Variants in DDX4 observed in about 807,000 individuals in gnomAD.
DDX4 encodes probable ATP-dependent RNA helicase DDX4.
Under a neutral mutation model 100.0 loss-of-function variants are expected in DDX4, and 25 were observed. The ratio of observed to expected loss-of-function variants is 0.25; its 90% CI spans 0.18 to 0.35. The LOEUF (loss-of-function observed/expected upper bound fraction) is 0.35, where lower values mean the gene tolerates loss of function less well. DDX4 is among the 10% of genes least tolerant of loss of function. The pLI is 1.00. For missense variants in DDX4, 635 were observed against 882.4 expected (o/e 0.72, Z 3.55); for synonymous variants, 259 against 275.7 (o/e 0.94, Z 0.60).
In DDX4 at chr5:55,763,181, G is replaced by GTGA; in HGVS notation, c.213_215dup (p.Gly71_Glu72insAsp). 6.2e-7 allele frequency: 1 copy of GTGA among 1,608,906 alleles called. No homozygotes were observed. On this transcript the variant is annotated inframe_insertion, in exon 5 of 22. Coordinates refer to ENST00000505374, the MANE Select transcript of DDX4 (RefSeq NM_024415.3). ...ACTGTCCACCCTTTTTCAGATGCTGGTGAGTGTAATAAGCGAGATAATACA... is the reference window on the plus strand; with the variant it reads ...ACTGTCCACCCTTTTTCAGATGCTGGTGATGAGTGTAATAAGCGAGATAATACA...
At chr5:55,741,026 T>C (rs182966316) in intron 2 of DDX4, among the ~76,000 whole-genome samples, 316 of 152,356 alleles carry the variant, frequency 2.1e-3, no homozygotes, top group Admixed American at 4.5e-3. Flanking sequence ...TTTTCCTCCT[T>C]GTTCTCAATA....
chr5:55,775,780 T>C (rs747438444), intron 7 of DDX4, among the ~76,000 whole-genome samples: 6 of 152,196 alleles, frequency 3.9e-5, no homozygotes, highest in Non-Finnish European at 8.8e-5. Context: ...CTGTCCCTTA[T>C]GAAATGCAGA....
chr5:55,788,195 T>C (rs1442678125), intron 15 of DDX4, among the ~76,000 whole-genome samples, 195 bp downstream of exon 15: 1 of 152,168 alleles, frequency 6.6e-6, no homozygotes, highest in African/African-American at 2.4e-5. Context: ...GGTTAATAGG[T>C]TGGACTTGGT....
chr5:55,749,134 A>G lies in DDX4; in HGVS notation c.127+2913A>G, dbSNP rs547222142. On this transcript the variant is annotated intron_variant, in intron 3 of 21. Coordinates refer to ENST00000505374, the MANE Select transcript of DDX4 (RefSeq NM_024415.3). ...CACATTACTTGGCTTTAAAATGTCA[A>G]TAGGAGGCAGGTGTAGTGGCTTATG... 4.6e-5 allele frequency among the ~76,000 whole-genome samples: 7 copies of G among 152,316 alleles called. 1 individual carries two copies. The South Asian group carries it at 1.2e-3, about 27-fold the overall frequency.
At chr5:55,799,530 C>T (rs2112108781) in intron 18 of DDX4, among the ~76,000 whole-genome samples, 1 of 152,208 alleles carries the variant, frequency 6.6e-6, no homozygotes, top group African/African-American at 2.4e-5. Flanking sequence ...CGTGCACCAC[C>T]ATGCCCAACC....
intron 18 of DDX4, among the ~76,000 whole-genome samples, chr5:55,811,278 C>G (rs377479316): frequency 4.6e-5 from 7 of 152,164 alleles, no homozygotes; most frequent in African/African-American, 1.7e-4. Flanking sequence ...AATTCAGTTT[C>G]CAAGTTTTAT....
At chr5:55,814,238 T>C (rs1744265632) in intron 19 of DDX4, among the ~76,000 whole-genome samples, 1 of 152,210 alleles carries the variant, frequency 6.6e-6, no homozygotes, top group Non-Finnish European at 1.5e-5. Context: ...TAAAAATATG[T>C]TTTTAAGCAA....
chr5:55,775,814 G>A (rs1398994776), intron 7 of DDX4, among the ~76,000 whole-genome samples: 1 of 152,026 alleles, frequency 6.6e-6, no homozygotes, highest in Non-Finnish European at 1.5e-5. Context: ...GAGGACTCAG[G>A]TTACTTTAAG....
intron 7 of DDX4, among the ~76,000 whole-genome samples, chr5:55,773,701 T>G (rs1364922596): frequency 6.6e-6 from 1 of 152,164 alleles, no homozygotes; most frequent in Non-Finnish European, 1.5e-5. Flanking sequence ...TTCGGCTCAC[T>G]GCAGCCTCAA....
At chr5:55,806,936 A>T (rs1743768687) in intron 18 of DDX4, among the ~76,000 whole-genome samples, 1 of 152,128 alleles carries the variant, frequency 6.6e-6, no homozygotes, top group South Asian at 2.1e-4. Flanking sequence ...AAAGTGTCCC[A>T]TTATTATTGT....
At chr5:55,747,090 C>T (rs1759283887) in intron 3 of DDX4, among the ~76,000 whole-genome samples, 1 of 151,816 alleles carries the variant, frequency 6.6e-6, no homozygotes, top group African/African-American at 2.4e-5. Context: ...TCTTTGTCTA[C>T]AGAAAATTTA....
At chr5:55,779,201 T>C (rs548466680) in intron 7 of DDX4, among the ~76,000 whole-genome samples, 4 of 152,234 alleles carry the variant, frequency 2.6e-5, no homozygotes, top group Non-Finnish European at 4.4e-5. Flanking sequence ...TTTACTTTCA[T>C]GAAAATATAC....
chr5:55,738,325 T>C (rs1295936930), intron 1 of DDX4: 1 of 152,494 alleles, frequency 6.6e-6, no homozygotes, highest in East Asian at 1.9e-4. Flanking sequence ...CACTGCGTTT[T>C]CTCTGAACAG....
intron 3 of DDX4, among the ~76,000 whole-genome samples, chr5:55,757,562 C>T (rs534694796): frequency 5.0e-4 from 76 of 152,178 alleles, no homozygotes; most frequent in Non-Finnish European, 9.1e-4. Flanking sequence ...TATAAACATG[C>T]GTTTGCAAGT....
intron 2 of DDX4, among the ~76,000 whole-genome samples, chr5:55,745,643 G>A (rs367816374): frequency 6.6e-6 from 1 of 151,906 alleles, no homozygotes; most frequent in East Asian, 1.9e-4. Flanking sequence ...GGCTGGTCTT[G>A]AACTCCTGGG....
At chr5:55,811,009 TC>T (rs1243986387) in intron 18 of DDX4, among the ~76,000 whole-genome samples, 1 of 150,762 alleles carries the variant, frequency 6.6e-6, no homozygotes, top group East Asian at 2.0e-4. Flanking sequence ...CTTCTTTTTT[TC>T]CCTTCTTTAG....
chr5:55,759,658 AT>A (rs1760180670), intron 3 of DDX4, among the ~76,000 whole-genome samples: 1 of 152,064 alleles, frequency 6.6e-6, no homozygotes, highest in Non-Finnish European at 1.5e-5. Flanking sequence ...CACTTTGATC[AT>A]TTATTTGGTA....
intron 18 of DDX4, among the ~76,000 whole-genome samples, chr5:55,811,493 A>G (rs779071572): frequency 6.6e-6 from 1 of 152,188 alleles, no homozygotes; most frequent in East Asian, 1.9e-4. Flanking sequence ...GTAAATATCA[A>G]AACACACAAG....
chr5:55,746,533 A>G (rs1759258706), intron 3 of DDX4, among the ~76,000 whole-genome samples: 1 of 152,228 alleles, frequency 6.6e-6, no homozygotes, highest in South Asian at 2.1e-4. Flanking sequence ...AGGGAGTAGA[A>G]TATAGGACTA....
Sources: allele counts gnomAD v4.1 joint callset (sites outside exome capture counted in the v4.1 genomes callset), GRCh38; gene constraint gnomAD v4.1.1; transcripts MANE v1.5; gene names NCBI Gene and HGNC (gene_info 2026-07-23, HGNC 2026-07-21).